Variants in SORCS1 observed in about 807,000 individuals in gnomAD.
The protein encoded by SORCS1 is sortilin related VPS10 domain containing receptor 1.
In SORCS1, 60 loss-of-function variants were observed where a neutral mutation model predicts 146.1. That is an observed-to-expected ratio of 0.41 (90% CI 0.33 to 0.51). The LOEUF (loss-of-function observed/expected upper bound fraction) is 0.51, where lower values mean the gene tolerates loss of function less well. Among genes scored for constraint, SORCS1 ranks in the 20% least tolerant of loss-of-function variants. SORCS1 has a pLI of 0.21. For synonymous variants in SORCS1, 637 were observed against 584.0 expected (o/e 1.09, Z -1.31); for missense variants, 1,352 against 1,487.6 (o/e 0.91, Z 1.50).
At chr10:106,718,601 AAGCTGCCAC>A (rs1855551868) in intron 6 of SORCS1, among the ~76,000 whole-genome samples, 1 of 152,248 alleles carries the variant, frequency 6.6e-6, no homozygotes, top group Admixed American at 6.5e-5. Flanking sequence ...CAAAAGAACA[AAGCTGCCAC>A]AGCATGGAAG....
At position 106,828,790 on chromosome 10, in the gene SORCS1, A is replaced by G. The variant is rs139919850; in HGVS notation, c.726+784T>C. ...TAAATGTCTTCCTCATTTAAAAACAATATTTTCTTCCTAAAAAATGACATA... is the reference window on the plus strand; with the variant it reads ...TAAATGTCTTCCTCATTTAAAAACAGTATTTTCTTCCTAAAAAATGACATA... On this transcript the variant is annotated intron_variant, in intron 3 of 25. Coordinates refer to ENST00000263054, the MANE Select transcript of SORCS1 (RefSeq NM_052918.5). Among the ~76,000 whole-genome samples the G allele has an allele frequency of 1.8e-3, 277 of 152,348 alleles. 2 individuals are homozygous for G. Among genetic ancestry groups the G allele is most frequent in the African/African-American group, 6.3e-3 (261 of 41,584 alleles).
intron 3 of SORCS1, among the ~76,000 whole-genome samples, chr10:106,807,653 T>C (rs530730659): frequency 6.6e-6 from 1 of 152,342 alleles, no homozygotes; most frequent in South Asian, 2.1e-4. Context: ...CTGGCCAGAA[T>C]CCATTGCAAG....
At chr10:107,019,607 G>C (rs2089422198) in intron 1 of SORCS1, among the ~76,000 whole-genome samples, 1 of 152,164 alleles carries the variant, frequency 6.6e-6, no homozygotes, top group South Asian at 2.1e-4. Context: ...GTCTCTGCAG[G>C]CTCCTTCTAG....
intron 1 of SORCS1, among the ~76,000 whole-genome samples, chr10:106,985,026 G>GAA (rs1309843546): frequency 6.6e-6 from 1 of 151,854 alleles, no homozygotes; most frequent in African/African-American, 2.4e-5. Context: ...CGTCTCTACT[G>GAA]AAATTACAAA....
chr10:106,682,590 T>G (rs1852521595), intron 10 of SORCS1, among the ~76,000 whole-genome samples: 1 of 152,216 alleles, frequency 6.6e-6, no homozygotes, highest in Admixed American at 6.5e-5. Context: ...ATTATAATGC[T>G]TATCAAACCC....
chr10:106,603,051 T>C (rs917804772), intron 23 of SORCS1, among the ~76,000 whole-genome samples: 4 of 152,180 alleles, frequency 2.6e-5, no homozygotes, highest in African/African-American at 7.2e-5. Context: ...TTTGTTCTTT[T>C]TAGATGTTCT....
chr10:106,950,140 C>T (rs1372823070), intron 2 of SORCS1, among the ~76,000 whole-genome samples: 1 of 152,118 alleles, frequency 6.6e-6, no homozygotes, highest in African/African-American at 2.4e-5. Context: ...TCAAATCATC[C>T]CCCTTTCCTC....
intron 24 of SORCS1, among the ~76,000 whole-genome samples, chr10:106,588,313 T>G (rs1845367832): frequency 6.6e-6 from 1 of 152,220 alleles, no homozygotes; most frequent in Non-Finnish European, 1.5e-5. Flanking sequence ...CTCCAAATAT[T>G]CCAAGAAATT....
chr10:107,061,613 CT>C (rs1564987259), intron 1 of SORCS1, among the ~76,000 whole-genome samples: 1 of 152,122 alleles, frequency 6.6e-6, no homozygotes, highest in East Asian at 1.9e-4. Flanking sequence ...TCCTTTTTGC[CT>C]TTTGTGAACA....
chr10:106,838,976 T>G (rs1174944698), intron 2 of SORCS1, among the ~76,000 whole-genome samples: 1 of 152,208 alleles, frequency 6.6e-6, no homozygotes, highest in African/African-American at 2.4e-5. Flanking sequence ...AAATATTATG[T>G]ATGTTTTGAC....
chr10:107,157,377 C>CAAATGTTATTTG (rs1204843256), intron 1 of SORCS1, among the ~76,000 whole-genome samples: 1 of 152,212 alleles, frequency 6.6e-6, no homozygotes, highest in Non-Finnish European at 1.5e-5. Flanking sequence ...CTTCTTCTTC[C>CAAATGTTATTTG]ACTAACTGAC....
At chr10:107,027,604 G>A (rs553968099) in intron 1 of SORCS1, among the ~76,000 whole-genome samples, 3 of 152,222 alleles carry the variant, frequency 2.0e-5, no homozygotes, top group East Asian at 1.9e-4. Flanking sequence ...CCGAGCAGTC[G>A]TATGACACCT....
Position 107,159,895 on chromosome 10 carries a change from A to C in SORCS1, c.558+4074T>G, listed in dbSNP as rs553022243. On this transcript the variant is annotated intron_variant, in intron 1 of 25. Transcript: ENST00000263054. The stretch of plus-strand genomic sequence containing the variant: ...ATAGCCAAGTCAAGCATTCACAGCC[A>C]GTGTGTCTATAATATCAGATTTGCC... 3.3e-5 allele frequency among the ~76,000 whole-genome samples: 5 copies of C among 152,210 alleles called. No individual in the cohort carries two copies. The South Asian group carries it at 1.0e-3, about 32-fold the overall frequency.
At chr10:106,934,382 T>C (rs540073631) in intron 2 of SORCS1, among the ~76,000 whole-genome samples, 10,271 of 151,970 alleles carry the variant, frequency 0.068, 989 homozygotes, top group African/African-American at 0.21. Flanking sequence ...CTCAGCCTCC[T>C]GTGTAGTTGG....
chr10:106,673,032 A>ATTATTT, intron 14 of SORCS1, 47 bp from the exon 15 acceptor site: 1 of 1,469,474 alleles, frequency 6.8e-7, no homozygotes, highest in Non-Finnish European at 9.5e-7. Flanking sequence ...TAACAATGTA[A>ATTATTT]TGAGTAATAA....
chr10:106,781,512 A>T (rs1860894750), intron 3 of SORCS1, among the ~76,000 whole-genome samples: 1 of 152,232 alleles, frequency 6.6e-6, no homozygotes, highest in Non-Finnish European at 1.5e-5. Context: ...TAATGACAAC[A>T]GCAAAGAAAA....
intron 1 of SORCS1, among the ~76,000 whole-genome samples, chr10:106,992,022 T>C (rs184209991): frequency 2.0e-4 from 29 of 148,582 alleles, no homozygotes; most frequent in Middle Eastern, 3.4e-3. Flanking sequence ...CATGTTATAA[T>C]GTGACTCGTT....
intron 1 of SORCS1, among the ~76,000 whole-genome samples, chr10:107,121,894 T>C (rs1966434146): frequency 6.6e-6 from 1 of 152,158 alleles, no homozygotes. Context: ...TTTATCTCCA[T>C]TTTCACCTTT....
At chr10:107,005,838 C>T (rs572162222) in intron 1 of SORCS1, among the ~76,000 whole-genome samples, 52 of 152,208 alleles carry the variant, frequency 3.4e-4, no homozygotes, top group African/African-American at 1.2e-3. Flanking sequence ...CATTTTTATT[C>T]GTTTGTTGAC....
Sources: gnomAD v4.1 joint callset for allele counts (sites outside exome capture counted in the v4.1 genomes callset) on GRCh38, gnomAD v4.1.1 for gene constraint, MANE v1.5 for transcripts, NCBI Gene and HGNC (gene_info 2026-07-23, HGNC 2026-07-21) for gene names.